The following NHS variants were observed in gnomAD, a reference collection of about 807,000 sequenced individuals.
NHS encodes the protein actin remodeling regulator NHS.
Under a neutral mutation model 72.5 loss-of-function variants are expected in NHS, and 5 were observed. That is an observed-to-expected ratio of 0.07 (90% CI 0.04 to 0.14). The LOEUF (loss-of-function observed/expected upper bound fraction) is 0.14, where lower values mean the gene tolerates loss of function less well. NHS is among the 10% of genes least tolerant of loss of function. The pLI, the probability that NHS is intolerant of heterozygous loss-of-function variation, is 1.00. For synonymous variants in NHS, 464 were observed against 547.7 expected (o/e 0.85, Z 2.13); for missense variants, 1,072 against 1,355.7 (o/e 0.79, Z 3.29).
At chrX:17,399,663 A>C (rs1362721252) in intron 1 of NHS, among the ~76,000 whole-genome samples, 2 of 111,885 alleles carry the variant, frequency 1.8e-5, no homozygotes, top group African/African-American at 6.5e-5. Context: ...TGAAGATACA[A>C]ATAAGTCTAA....
At chrX:17,621,007 T>G (rs1005088403) in intron 1 of NHS, among the ~76,000 whole-genome samples, 2 of 111,874 alleles carry the variant, frequency 1.8e-5, no homozygotes, top group African/African-American at 6.5e-5. Flanking sequence ...GAGAGAGATT[T>G]TAAGCAGAAG....
At chrX:17,408,941 A>C (rs1035030075) in intron 1 of NHS, among the ~76,000 whole-genome samples, 1 of 104,593 alleles carries the variant, frequency 9.6e-6, no homozygotes, top group Non-Finnish European at 1.9e-5. Context: ...AGAGGGAGAA[A>C]CCGACGGAGA....
At chrX:17,588,280 T>G (rs922814905) in intron 1 of NHS, among the ~76,000 whole-genome samples, 12 of 111,722 alleles carry the variant, frequency 1.1e-4, no homozygotes, top group African/African-American at 3.9e-4. Flanking sequence ...CACTCCTAGA[T>G]GCCAGGGTTG....
chrX:17,447,327 T>G (rs1457900034), intron 1 of NHS, among the ~76,000 whole-genome samples: 1 of 112,146 alleles, frequency 8.9e-6, no homozygotes, highest in African/African-American at 3.2e-5. Flanking sequence ...ATTCTAACTC[T>G]GAAAGCACTT....
intron 1 of NHS, among the ~76,000 whole-genome samples, chrX:17,655,714 G>A (rs192660988): frequency 3.5e-4 from 40 of 112,765 alleles, no homozygotes; most frequent in Non-Finnish European, 6.9e-4. Flanking sequence ...CAAGGCTCTC[G>A]ATCCCAGCGT....
intron 1 of NHS, among the ~76,000 whole-genome samples, chrX:17,609,044 C>T (rs1233716401): frequency 9.0e-6 from 1 of 111,678 alleles, no homozygotes; most frequent in Non-Finnish European, 1.9e-5. Flanking sequence ...GGTCAGTGCT[C>T]AGACCATACA....
chrX:17,485,050 A>T (rs1216987122), intron 1 of NHS, among the ~76,000 whole-genome samples: 1 of 111,628 alleles, frequency 9.0e-6, no homozygotes, highest in Admixed American at 9.5e-5. Flanking sequence ...CATTGCACAT[A>T]TTGGCAGCTC....
At chrX:17,551,436 C>G (rs927835362) in intron 1 of NHS, among the ~76,000 whole-genome samples, 1 of 111,832 alleles carries the variant, frequency 8.9e-6, no homozygotes, top group South Asian at 3.8e-4. Context: ...TGGATTGTCT[C>G]TGGAACCTGC....
At chrX:17,695,015 T>A (rs2066219124) in intron 3 of NHS, among the ~76,000 whole-genome samples, 1 of 112,621 alleles carries the variant, frequency 8.9e-6, no homozygotes, top group Non-Finnish European at 1.9e-5. Context: ...TATGTATATG[T>A]ATTTGTGCAA....
At chrX:17,433,485 C>T (rs1374249347) in intron 1 of NHS, among the ~76,000 whole-genome samples, 2 of 110,505 alleles carry the variant, frequency 1.8e-5, no homozygotes, top group Non-Finnish European at 3.8e-5. Flanking sequence ...TATTCTAGGG[C>T]ATGGCTGGTT....
chrX:17,489,488 T>C (rs1477944278), intron 1 of NHS, among the ~76,000 whole-genome samples: 1 of 111,390 alleles, frequency 9.0e-6, no homozygotes, highest in African/African-American at 3.3e-5. Flanking sequence ...TTTGTTGTTG[T>C]TGTTGTTGTT....
chrX:17,592,154 T>C (rs986852902), intron 1 of NHS, among the ~76,000 whole-genome samples: 4 of 112,136 alleles, frequency 3.6e-5, no homozygotes, highest in Non-Finnish European at 7.5e-5. Context: ...AACCATATTA[T>C]ACATTCCTTG....
intron 1 of NHS, among the ~76,000 whole-genome samples, chrX:17,673,050 G>C (rs2066057292): frequency 9.1e-6 from 1 of 110,491 alleles, no homozygotes; most frequent in Admixed American, 9.7e-5. Context: ...ATTAAAAGGA[G>C]ACAAAAAGGA....
intron 1 of NHS, among the ~76,000 whole-genome samples, chrX:17,616,151 G>C (rs1489690472): frequency 8.9e-6 from 1 of 112,127 alleles, no homozygotes; most frequent in Non-Finnish European, 1.9e-5. Flanking sequence ...CTGCTGTAAG[G>C]ATGGCTAAAG....
chrX:17,566,224 C>T (rs1814800090), intron 1 of NHS, among the ~76,000 whole-genome samples: 1 of 110,827 alleles, frequency 9.0e-6, no homozygotes, highest in African/African-American at 3.3e-5. Context: ...CTCAAGCGAT[C>T]CTCCTGTCTC....
chrX:17,619,547 T>C lies in NHS; in HGVS notation c.566-68195T>C, dbSNP rs763318339. On this transcript the variant is annotated intron_variant, in intron 1 of 8. Coordinates refer to ENST00000676302, the MANE Select transcript of NHS (RefSeq NM_001291867.2). ...TGCACTGAACAGTAGGTCGTGAAAA[T>C]GCATAACCAATGAGCCATGTGGCTC... 1.8e-4 allele frequency among the ~76,000 whole-genome samples: 20 copies of C among 112,037 alleles called. No individual in the cohort carries two copies. The East Asian group carries it at 2.2e-3, about 13-fold the overall frequency.
intron 2 of NHS, 134 bp downstream of exon 2, chrX:17,688,028 C>G: frequency 2.8e-6 from 2 of 713,020 alleles, no homozygotes; most frequent in Non-Finnish European, 4.1e-6. Flanking sequence ...CGTTTCTACC[C>G]TGAAATGAAA....
rs768085359 is a variant in NHS, at chrX:17,573,850, G to A, written c.566-113892G>A. ...TTGGTCTTTGATGTTGGTGACCTAC[G>A]GATGGGGTTTTGGTGTGGATGTCCT... On this transcript the variant is annotated intron_variant, in intron 1 of 8. Transcript: ENST00000676302. Among the ~76,000 whole-genome samples, 8 of 111,526 alleles carry A rather than the reference G, an allele frequency of 7.2e-5. No individual in the cohort carries two copies. The South Asian group carries it at 2.7e-3, about 37-fold the overall frequency.
chrX:17,629,223 T>G (rs1316639269), intron 1 of NHS, among the ~76,000 whole-genome samples: 1 of 112,157 alleles, frequency 8.9e-6, no homozygotes, highest in Non-Finnish European at 1.9e-5. Flanking sequence ...GACAGTTGAG[T>G]CAGGCCTGGA....
Sources: allele counts gnomAD v4.1 joint callset (sites outside exome capture counted in the v4.1 genomes callset), GRCh38; gene constraint gnomAD v4.1.1; transcripts MANE v1.5; gene names NCBI Gene and HGNC (gene_info 2026-07-23, HGNC 2026-07-21).